Variants in KANSL1L observed in about 807,000 individuals in gnomAD.
KANSL1L encodes the protein KAT8 regulatory NSL complex subunit 1-like protein.
KANSL1L carries 25 observed loss-of-function variants against 108.6 expected under a neutral mutation model. The ratio of observed to expected loss-of-function variants is 0.23; its 90% CI spans 0.17 to 0.32. The LOEUF (loss-of-function observed/expected upper bound fraction) is 0.32, where lower values mean the gene tolerates loss of function less well. Among genes scored for constraint, KANSL1L ranks in the 10% least tolerant of loss-of-function variants. The pLI, the probability that KANSL1L is intolerant of heterozygous loss-of-function variation, is 1.00. For missense variants in KANSL1L, 1,137 were observed against 1,125.7 expected (o/e 1.01, Z -0.14); for synonymous variants, 405 against 395.1 (o/e 1.03, Z -0.30).
chr2:210,108,548 C>A (rs2094873247), intron 3 of KANSL1L, among the ~76,000 whole-genome samples: 1 of 152,184 alleles, frequency 6.6e-6, no homozygotes, highest in Admixed American at 6.5e-5. Flanking sequence ...ATCAATGTAA[C>A]TGCAAACCCA....
chr2:210,150,586 C>G (rs981960240), intron 2 of KANSL1L, among the ~76,000 whole-genome samples: 1 of 151,826 alleles, frequency 6.6e-6, no homozygotes, highest in Admixed American at 6.6e-5. Flanking sequence ...AGCTTGAGAC[C>G]AGCTTGACCA....
At chr2:210,028,711 C>T (rs2093972726) in intron 11 of KANSL1L, 134 bp downstream of exon 11, 2 of 643,272 alleles carry the variant, frequency 3.1e-6, no homozygotes, top group African/African-American at 1.9e-5. Flanking sequence ...ATTTTTTTTT[C>T]ACCGTTTCCC....
chr2:210,033,695 A>T (rs1404133629), intron 8 of KANSL1L, among the ~76,000 whole-genome samples: 12 of 132,970 alleles, frequency 9.0e-5, no homozygotes, highest in Non-Finnish European at 1.1e-4. Context: ...ACGCCCGGCT[A>T]TTTTTTTTTT....
chr2:210,112,135 G>T (rs1466039685), intron 3 of KANSL1L, among the ~76,000 whole-genome samples: 2 of 152,106 alleles, frequency 1.3e-5, no homozygotes, highest in East Asian at 3.8e-4. Flanking sequence ...GACTATCGTT[G>T]TTGGACATTT....
chr2:210,153,454 A>C (rs1397665020), intron 2 of KANSL1L, 41 bp downstream of exon 2: 2 of 1,502,432 alleles, frequency 1.3e-6, no homozygotes, highest in African/African-American at 2.8e-5. Flanking sequence ...TTGCTGCTAT[A>C]TATGGAACAG....
At position 210,038,792 on chromosome 2, in the gene KANSL1L, G is replaced by A. The variant is rs185502541; in HGVS notation, c.2029+1628C>T. On this transcript the variant is annotated intron_variant, in intron 8 of 14. Transcript: ENST00000281772. ...AGCATGGCTCCAAGCCAGACTGCTT[G>A]GGTTTGAATTCTGGCTCTTTTATTA... is the stretch of plus-strand genomic sequence containing the variant. Among the ~76,000 whole-genome samples the A allele has an allele frequency of 2.6e-4, 40 of 152,008 alleles. No individual in the cohort carries two copies. In the East Asian group the frequency reaches 7.2e-3, roughly 27 times the overall value.
intron 3 of KANSL1L, among the ~76,000 whole-genome samples, chr2:210,115,353 A>C (rs2094944254): frequency 6.6e-6 from 1 of 152,226 alleles, no homozygotes; most frequent in African/African-American, 2.4e-5. Context: ...AATTATAAAC[A>C]TTTATGAAAC....
At chr2:210,064,077 T>C (rs1005712081) in intron 6 of KANSL1L, 1 of 152,156 alleles carries the variant, frequency 6.6e-6, no homozygotes, top group African/African-American at 2.4e-5. Flanking sequence ...TCTCACAAGA[T>C]CTGATGGTTT....
intron 5 of KANSL1L, among the ~76,000 whole-genome samples, chr2:210,087,523 G>A (rs1321142465): frequency 6.6e-6 from 1 of 152,176 alleles, no homozygotes; most frequent in African/African-American, 2.4e-5. Flanking sequence ...GAAAAAATAC[G>A]TTAAGTACAA....
In KANSL1L at chr2:210,150,836, C is replaced by G. The variant is rs182977271; in HGVS notation, c.1088+2659G>C. 4.9e-3 allele frequency among the ~76,000 whole-genome samples: 733 copies of G among 149,964 alleles called. 3 individuals carry two copies. Among genetic ancestry groups the G allele is most frequent in the Non-Finnish European group, 7.0e-3 (473 of 67,456 alleles). On this transcript the variant is annotated intron_variant, in intron 2 of 14. Transcript: ENST00000281772. ...GAAAAAAAGAAATTATCAGAAAGTG[C>G]AAAGTGTGGTATCTACCCTTAATAG... is the stretch of plus-strand genomic sequence containing the variant.
At position 210,093,501 on chromosome 2, in the gene KANSL1L, G is replaced by A. The variant is rs543663121; in HGVS notation, c.1550+4585C>T. On this transcript the variant is annotated intron_variant, in intron 5 of 14. Transcript: ENST00000281772. ...TTAAATCTTCAGCTTGATTTTGCTG[G>A]ATTTGGTTTTAGTTTCTCTCCTCCC... 1.7e-3 allele frequency among the ~76,000 whole-genome samples: 264 copies of A among 151,960 alleles called. 1 individual carries two copies. Among genetic ancestry groups the A allele is most frequent in the African/African-American group, 5.8e-3 (242 of 41,438 alleles).
intron 2 of KANSL1L, 104 bp downstream of exon 2, chr2:210,153,391 A>G: frequency 1.1e-6 from 1 of 883,416 alleles, no homozygotes; most frequent in Non-Finnish European, 1.7e-6. Context: ...AGATTATAGC[A>G]TTAAGATTTT....
At chr2:210,047,877 C>T (rs1344415234) in intron 6 of KANSL1L, among the ~76,000 whole-genome samples, 1 of 152,182 alleles carries the variant, frequency 6.6e-6, no homozygotes, top group African/African-American at 2.4e-5. Flanking sequence ...GACTTCTCTC[C>T]TTAATCTGAG....
upstream of KANSL1L, among the ~76,000 whole-genome samples, chr2:210,172,646 T>A (rs1230588979): frequency 6.6e-6 from 1 of 152,246 alleles, no homozygotes; most frequent in Non-Finnish European, 1.5e-5. Context: ...ATAAAAATTG[T>A]AAGCTAATGA....
At chr2:210,070,775 G>A (rs1294792469) in intron 6 of KANSL1L, among the ~76,000 whole-genome samples, 1 of 152,172 alleles carries the variant, frequency 6.6e-6, no homozygotes, top group African/African-American at 2.4e-5. Context: ...CTAAGAGGAA[G>A]ACTCTGCTAG....
rs183767352 is a variant in KANSL1L, at chr2:210,054,191, G to A, written c.1756-10087C>T. Reference sequence around the variant, plus strand: ...CAAAAAATTAGCTGGGCGTGGTGGCGGGCGCCTGTAGTCCCAGCTACTTGG... The same window carrying A: ...CAAAAAATTAGCTGGGCGTGGTGGCAGGCGCCTGTAGTCCCAGCTACTTGG... On this transcript the variant is annotated intron_variant, in intron 6 of 14. Transcript: ENST00000281772. 3.3e-3 allele frequency among the ~76,000 whole-genome samples: 497 copies of A among 151,704 alleles called. 3 individuals are homozygous for A. The highest frequency in any genetic ancestry group is 0.011 in the African/African-American group (457 of 41,374).
intron 5 of KANSL1L, among the ~76,000 whole-genome samples, chr2:210,077,793 C>T (rs2094552923): frequency 1.3e-5 from 2 of 152,164 alleles, no homozygotes; most frequent in East Asian, 3.9e-4. Flanking sequence ...TGTTAGCTTT[C>T]CCCTCCCCAT....
intron 5 of KANSL1L, among the ~76,000 whole-genome samples, chr2:210,080,716 A>G (rs1206379426): frequency 6.6e-6 from 1 of 152,130 alleles, no homozygotes; most frequent in Non-Finnish European, 1.5e-5. Context: ...ATTAGTAATC[A>G]ATGTTACTTT....
chr2:210,161,279 C>A (rs142692797), intron 1 of KANSL1L, among the ~76,000 whole-genome samples: 19 of 152,200 alleles, frequency 1.2e-4, no homozygotes, highest in African/African-American at 2.2e-4. Context: ...TGAGCCACTG[C>A]GCCTGGCCTG....
Sources: gnomAD v4.1 joint callset for allele counts (sites outside exome capture counted in the v4.1 genomes callset) on GRCh38, gnomAD v4.1.1 for gene constraint, MANE v1.5 for transcripts, NCBI Gene and HGNC (gene_info 2026-07-23, HGNC 2026-07-21) for gene names.